The following TCF12 variants were observed in gnomAD, a reference collection of about 807,000 sequenced individuals.
TCF12 encodes transcription factor 12, also known as DNA-binding protein HTF4.
In TCF12, 45 loss-of-function variants were observed where a neutral mutation model predicts 86.0. The observed-to-expected ratio is 0.52, with a 90% CI of 0.41 to 0.67. The LOEUF (loss-of-function observed/expected upper bound fraction) is 0.67. Ranked by LOEUF, TCF12 falls within the 30% of genes least tolerant of loss-of-function variation. The probability of loss-of-function intolerance (pLI) is 0.00; values close to 1 mark genes in which losing one functional copy is unlikely to be tolerated. For missense variants in TCF12, 881 were observed against 859.9 expected, an observed-to-expected ratio of 1.02 and a Z score of -0.31; for synonymous variants, 330 against 299.6, an observed-to-expected ratio of 1.10 and a Z score of -1.05.
Position 57,192,179 on chromosome 15 carries a change from C to A in TCF12, c.412C>A (p.Leu138Met). 6.2e-7 allele frequency: 1 copy of A among 1,613,994 alleles called. No homozygotes were observed. Among genetic ancestry groups the A allele is most frequent in the Non-Finnish European group, 8.5e-7 (1 of 1,179,958 alleles). ...GCQSSLLRQD[L>M]GLGSPAQLSS... is the part of the protein sequence containing the mutation. Reference sequence around the variant, plus strand: ...ATAGTCTAGTCTCCTGAGACAAGATCTGGGGCTTGGGAGCCCAGCACAGCT... The same window carrying A: ...ATAGTCTAGTCTCCTGAGACAAGATATGGGGCTTGGGAGCCCAGCACAGCT... The change falls in exon 7 of 21, where the codon CTG becomes ATG. Residue 138 changes from leucine to methionine, a missense_variant. This residue lies in a region of TCF12 where 766 missense variants were observed against 718.9 expected (regional missense o/e 1.07). Coordinates refer to ENST00000333725, the MANE Select transcript of TCF12 (RefSeq NM_207037.2).
rs1311487334 is a variant in TCF12 at position 57,071,700 on chromosome 15, A to G, written c.222+7877A>G. 7.2e-5 allele frequency among the ~76,000 whole-genome samples: 11 copies of G among 152,362 alleles called. No individual in the cohort carries two copies. In the East Asian group the frequency reaches 2.1e-3, roughly 29 times the overall value. ...TTAAGACAGCAGTGGAGATGCTGTA[A>G]TTAGGCAACAAATAGTTAATTACGA... is the stretch of plus-strand genomic sequence containing the variant. On this transcript the variant is annotated intron_variant, in intron 4 of 20. Coordinates refer to ENST00000333725, the MANE Select transcript of TCF12 (RefSeq NM_207037.2).
intron 17 of TCF12, among the ~76,000 whole-genome samples, chr15:57,262,884 C>T (rs1196007298): frequency 2.0e-5 from 3 of 152,140 alleles, no homozygotes; most frequent in Non-Finnish European, 1.5e-5. Flanking sequence ...TTAAATTGGT[C>T]ATGGGGGTCA....
At chr15:57,070,020 T>C (rs1356103766) in intron 4 of TCF12, among the ~76,000 whole-genome samples, 1 of 152,216 alleles carries the variant, frequency 6.6e-6, no homozygotes, top group Non-Finnish European at 1.5e-5. Flanking sequence ...TTAATCTTTT[T>C]TTCTTTTTTC....
chr15:56,994,009 T>G (rs1314155201), intron 3 of TCF12, among the ~76,000 whole-genome samples: 1 of 152,038 alleles, frequency 6.6e-6, no homozygotes, highest in Admixed American at 6.6e-5. Flanking sequence ...TTGTGAACAC[T>G]CTTGAAATGT....
intron 3 of TCF12, among the ~76,000 whole-genome samples, chr15:56,935,970 T>C (rs1454537723): frequency 6.6e-6 from 1 of 152,202 alleles, no homozygotes; most frequent in African/African-American, 2.4e-5. Context: ...CAAGTATTTT[T>C]TTCATATAAT....
intron 3 of TCF12, among the ~76,000 whole-genome samples, chr15:57,006,480 T>G (rs1232073613): frequency 6.6e-6 from 1 of 152,056 alleles, no homozygotes; most frequent in Non-Finnish European, 1.5e-5. Context: ...AATTTTTGTA[T>G]TTTTAATAGA....
intron 3 of TCF12, among the ~76,000 whole-genome samples, chr15:56,979,823 T>C (rs2062799251): frequency 1.3e-5 from 2 of 152,232 alleles, no homozygotes; most frequent in Non-Finnish European, 2.9e-5. Flanking sequence ...GTATGACTTC[T>C]GTGACCTGTA....
intron 3 of TCF12, among the ~76,000 whole-genome samples, chr15:56,958,201 G>T (rs999278590): frequency 6.6e-6 from 1 of 152,100 alleles, no homozygotes; most frequent in African/African-American, 2.4e-5. Context: ...CCGTAGTCAC[G>T]TTCTGATCTC....
chr15:57,176,290 C>T (rs1174767303), intron 6 of TCF12, among the ~76,000 whole-genome samples: 1 of 152,152 alleles, frequency 6.6e-6, no homozygotes, highest in Non-Finnish European at 1.5e-5. Flanking sequence ...TGTTGATGAT[C>T]CATCTGAGGT....
At chr15:57,251,492 T>C in intron 14 of TCF12, 69 bp downstream of exon 14, 1 of 1,472,290 alleles carries the variant, frequency 6.8e-7, no homozygotes, top group South Asian at 1.2e-5. Flanking sequence ...CAATCTGGCA[T>C]AACAATAAAG....
intron 3 of TCF12, among the ~76,000 whole-genome samples, chr15:57,009,462 G>C (rs1466344218): frequency 6.6e-6 from 1 of 152,152 alleles, no homozygotes; most frequent in Non-Finnish European, 1.5e-5. Flanking sequence ...AAAAAATCCA[G>C]TGCCAGTTAT....
intron 5 of TCF12, among the ~76,000 whole-genome samples, chr15:57,115,306 G>A (rs776871368): frequency 1.3e-5 from 2 of 152,108 alleles, no homozygotes; most frequent in African/African-American, 2.4e-5. Context: ...CAAAACATAA[G>A]TGTATTTTAG....
At chr15:56,994,138 A>G (rs2063584113) in intron 3 of TCF12, among the ~76,000 whole-genome samples, 1 of 152,358 alleles carries the variant, frequency 6.6e-6, no homozygotes, top group Admixed American at 6.5e-5. Context: ...ATGTAATGGC[A>G]GGAAAAAAAT....
chr15:57,129,716 G>A (rs2051958087), intron 5 of TCF12: 1 of 152,138 alleles, frequency 6.6e-6, no homozygotes, highest in Admixed American at 6.5e-5. Context: ...TAATCCCCCA[G>A]CACAGGGCCT....
intron 5 of TCF12, among the ~76,000 whole-genome samples, chr15:57,126,438 C>T (rs187945578): frequency 5.1e-4 from 77 of 152,268 alleles, no homozygotes; most frequent in African/African-American, 1.9e-3. Context: ...TTCATAATCT[C>T]TACTCTCCAT....
At chr15:57,180,140 G>GTGT (rs1259607832) in intron 6 of TCF12, among the ~76,000 whole-genome samples, 1 of 152,106 alleles carries the variant, frequency 6.6e-6, no homozygotes, top group Non-Finnish European at 1.5e-5. Flanking sequence ...AATTTGAAAT[G>GTGT]TGTTAGTTTT....
rs1269221705 is a variant in TCF12, at chr15:57,289,696, A to G, written c.*3551A>G. On this transcript the variant is annotated 3_prime_UTR_variant, in exon 21 of 21. Transcript: ENST00000333725. The stretch of plus-strand genomic sequence containing the variant: ...TCCTCGATTCAAATCTAAGCTCAAC[A>G]TCTGATTAACTTCATTTTCCTATCT... 3 of 152,062 alleles carry G rather than the reference A, an allele frequency of 2.0e-5. No individual in the cohort carries two copies. Among genetic ancestry groups the G allele is most frequent in the Non-Finnish European group, 4.4e-5 (3 of 68,046 alleles). The allele number at this position is 152,062 out of a possible 1,614,324, so 9.4% of individuals were successfully genotyped here. A position where few individuals can be genotyped will look rare whatever the true frequency, so the allele number is the denominator to read the frequency against.
intron 5 of TCF12, among the ~76,000 whole-genome samples, chr15:57,128,387 G>A (rs371882294): frequency 2.6e-5 from 4 of 152,124 alleles, no homozygotes; most frequent in Admixed American, 6.5e-5. Context: ...TAGGCACCAC[G>A]CAAAGTGCTT....
At chr15:57,246,925 T>C in intron 13 of TCF12, 2 of 518,022 alleles carry the variant, frequency 3.9e-6, no homozygotes, top group Admixed American at 4.0e-5. Flanking sequence ...TCGTTCTCTC[T>C]CCTGCTAAGA....
Sources: gnomAD v4.1 joint callset for allele counts (sites outside exome capture counted in the v4.1 genomes callset) on GRCh38, gnomAD v4.1.1 for gene constraint, gnomAD v4.1.1 regional missense constraint, MANE v1.5 for transcripts, NCBI Gene and HGNC (gene_info 2026-07-23, HGNC 2026-07-21) for gene names.